Variants in ZNF721 observed in about 807,000 individuals in gnomAD.
The protein encoded by ZNF721 is zinc finger protein 721.
Under a neutral mutation model 2.4 loss-of-function variants are expected in ZNF721, and 2 were observed. The ratio of observed to expected loss-of-function variants is 0.82; its 90% confidence interval spans 0.34 to 2.58. The LOEUF is 2.58. Among genes scored for constraint, ZNF721 ranks in the 30% most tolerant of loss-of-function variants. ZNF721 has a pLI of 0.11. For synonymous variants in ZNF721, 398 were observed against 381.8 expected (o/e 1.04, Z -0.50); for missense variants, 1,187 against 1,085.5 (o/e 1.09, Z -1.31).
At chr4:473,745 C>G (rs1431066857) in intron 1 of ZNF721, among the ~76,000 whole-genome samples, 1 of 152,210 alleles carries the variant, frequency 6.6e-6, no homozygotes, top group Non-Finnish European at 1.5e-5. Flanking sequence ...CCCCACAGCC[C>G]GGGGAAGGTG....
chr4:458,611 C>G (rs1714916751), intron 2 of ZNF721, among the ~76,000 whole-genome samples: 8 of 152,140 alleles, frequency 5.3e-5, no homozygotes, highest in Admixed American at 5.2e-4. Context: ...CTTTGGAGGC[C>G]AAGGCGGGCA....
At chr4:444,820 G>T (rs1304562498) in intron 2 of ZNF721, among the ~76,000 whole-genome samples, 1 of 152,118 alleles carries the variant, frequency 6.6e-6, no homozygotes, top group Non-Finnish European at 1.5e-5. Flanking sequence ...GGCTTTTGGG[G>T]TCTTTACAAA....
At chr4:466,238 T>G (rs1715246850) in intron 2 of ZNF721, among the ~76,000 whole-genome samples, 1 of 152,248 alleles carries the variant, frequency 6.6e-6, no homozygotes, top group Admixed American at 6.5e-5. Flanking sequence ...CCACCCTGCA[T>G]GCGTGTGCAC....
chr4:449,245 T>G (rs375212838), intron 2 of ZNF721, among the ~76,000 whole-genome samples: 1 of 152,136 alleles, frequency 6.6e-6, no homozygotes, highest in Non-Finnish European at 1.5e-5. Flanking sequence ...CTAAAAGAGA[T>G]AGAGGTATGA....
chr4:462,718 G>T (rs1715106479), intron 2 of ZNF721, among the ~76,000 whole-genome samples: 1 of 152,146 alleles, frequency 6.6e-6, no homozygotes, highest in African/African-American at 2.4e-5. Context: ...AACTGAAACT[G>T]GACCCCTTCC....
chr4:483,385 T>A (rs1473038301), intron 1 of ZNF721, among the ~76,000 whole-genome samples: 1 of 151,862 alleles, frequency 6.6e-6, no homozygotes, highest in Non-Finnish European at 1.5e-5. Flanking sequence ...CCGTCTCTAC[T>A]AAAAATACAA....
chr4:472,768 AC>A (rs1715479012), intron 1 of ZNF721, 67 bp from the exon 2 acceptor site: 1 of 1,591,748 alleles, frequency 6.3e-7, no homozygotes, highest in African/African-American at 1.4e-5. Flanking sequence ...TGTTAAGAGA[AC>A]CAGTTCTGAC....
At chr4:450,937 C>CA (rs781962651) in intron 2 of ZNF721, among the ~76,000 whole-genome samples, 17 of 26,512 alleles carry the variant, frequency 6.4e-4, no homozygotes, top group African/African-American at 1.3e-3. Flanking sequence ...ACTCTGTCTC[C>CA]AAAAAAAAAA....
At chr4:483,556 A>G (rs1399953446) in intron 1 of ZNF721, among the ~76,000 whole-genome samples, 5 of 152,032 alleles carry the variant, frequency 3.3e-5, no homozygotes, top group Admixed American at 1.3e-4. Context: ...CATCTCAAAA[A>G]AAAAAAGAAA....
chr4:456,407 A>G (rs1477952084), intron 2 of ZNF721, among the ~76,000 whole-genome samples: 1 of 151,946 alleles, frequency 6.6e-6, no homozygotes, highest in African/African-American at 2.4e-5. Flanking sequence ...TAAGGGCAAT[A>G]TTTATAAAGG....
At chr4:498,852 G>A (rs1553873362) in intron 1 of ZNF721, among the ~76,000 whole-genome samples, 1 of 151,518 alleles carries the variant, frequency 6.6e-6, no homozygotes, top group African/African-American at 2.4e-5. Context: ...GGCCTCCCGA[G>A]TAGCTGGGAC....
At chr4:486,237 C>T (rs1196885401) in intron 1 of ZNF721, among the ~76,000 whole-genome samples, 1 of 149,694 alleles carries the variant, frequency 6.7e-6, no homozygotes, top group African/African-American at 2.4e-5. Context: ...TGGCTCATTG[C>T]AACTTCTGCC....
chr4:442,298 T>C lies in ZNF721; in HGVS notation c.2169A>G (p.Lys723=). 2 of 1,613,322 alleles carry C rather than the reference T, an allele frequency of 1.2e-6. No individual in the cohort carries two copies. The highest frequency in any genetic ancestry group is 1.7e-6 in the Non-Finnish European group (2 of 1,179,474). The change falls in exon 3 of 3, where the codon AAA becomes AAG. Residue 723 remains lysine, a synonymous_variant. Transcript: ENST00000511833. ...TTHRRVHTRE[K]PYKCEDRGRS... is the part of the protein sequence containing the mutation. ...TGCCACGATCTTCACATTTGTAGGG[T>C]TTCTCCCTAGTGTGAACTCTCCTAT...
intron 1 of ZNF721, among the ~76,000 whole-genome samples, chr4:495,208 TTG>T (rs1348065855): frequency 2.6e-5 from 4 of 151,702 alleles, no homozygotes; most frequent in Admixed American, 6.6e-5. Context: ...AAAGACATTT[TTG>T]TGTGTCTAAA....
chr4:473,402 C>T (rs1229415319), intron 1 of ZNF721, among the ~76,000 whole-genome samples: 1 of 152,176 alleles, frequency 6.6e-6, no homozygotes, highest in Non-Finnish European at 1.5e-5. Context: ...GACCACCAAT[C>T]ATCATCCTGA....
intron 1 of ZNF721, among the ~76,000 whole-genome samples, chr4:478,997 C>G (rs1715706633): frequency 6.6e-6 from 1 of 152,120 alleles, no homozygotes; most frequent in African/African-American, 2.4e-5. Context: ...GTCCCAAACT[C>G]CTAAGGTGAT....
intron 1 of ZNF721, among the ~76,000 whole-genome samples, chr4:493,720 A>G (rs782295775): frequency 6.6e-6 from 1 of 151,972 alleles, no homozygotes; most frequent in Non-Finnish European, 1.5e-5. Context: ...TAATCTTACT[A>G]AATTCCATAT....
At chr4:481,665 G>A (rs1715773027) in intron 1 of ZNF721, among the ~76,000 whole-genome samples, 1 of 151,402 alleles carries the variant, frequency 6.6e-6, no homozygotes, top group Non-Finnish European at 1.5e-5. Context: ...ACATAAGGAA[G>A]AAATTGCAAG....
At chr4:465,394 A>G (rs1715212015) in intron 2 of ZNF721, among the ~76,000 whole-genome samples, 1 of 152,064 alleles carries the variant, frequency 6.6e-6, no homozygotes, top group Non-Finnish European at 1.5e-5. Context: ...GTGAATAAAA[A>G]AGAAGTTAGA....
Sources: gnomAD v4.1 joint callset for allele counts (sites outside exome capture counted in the v4.1 genomes callset) on GRCh38, gnomAD v4.1.1 for gene constraint, MANE v1.5 for transcripts, NCBI Gene and HGNC (gene_info 2026-07-23, HGNC 2026-07-21) for gene names.